USP46: variants seen among roughly 807,000 people sequenced by gnomAD.
The protein encoded by USP46 is ubiquitin carboxyl-terminal hydrolase 46.
USP46 carries 12 observed loss-of-function variants against 44.4 expected under a neutral mutation model. That is an observed-to-expected ratio of 0.27 (90% CI 0.17 to 0.44). The LOEUF is 0.44. Among genes scored for constraint, USP46 ranks in the 20% least tolerant of loss-of-function variants. The pLI, the probability that USP46 is intolerant of heterozygous loss-of-function variation, is 1.00. For missense variants in USP46, 248 were observed against 444.8 expected (o/e 0.56, Z 3.98); for synonymous variants, 155 against 161.5 (o/e 0.96, Z 0.31).
Position 52,595,689 on chromosome 4 carries a change from A to G in USP46, c.*1951T>C, listed in dbSNP as rs1716203687. 6.6e-6 allele frequency: 1 copy of G among 152,242 alleles called. No individual in the cohort carries two copies. The highest frequency in any genetic ancestry group is 3.2e-3 in the Middle Eastern group (1 of 316). The allele number at this position is 152,242 out of a possible 1,614,324, so 9.4% of individuals were successfully genotyped here. Reference sequence around the variant, plus strand: ...TTTTTTCTAATAAATTAGCTTCAAGAGGTGTTTCAAAGATAATTTTAATAA... The same window carrying G: ...TTTTTTCTAATAAATTAGCTTCAAGGGGTGTTTCAAAGATAATTTTAATAA... On this transcript the variant is annotated 3_prime_UTR_variant, in exon 9 of 9. Transcript: ENST00000441222.
chr4:52,633,698 T>C (rs1421666671), intron 1 of USP46, among the ~76,000 whole-genome samples: 3 of 152,232 alleles, frequency 2.0e-5, no homozygotes, highest in Non-Finnish European at 4.4e-5. Context: ...ATTCAAGTTA[T>C]GGAAATTCTT....
Position 52,628,057 on chromosome 4 carries a change from T to C in USP46, c.224A>G (p.Asn75Ser). The C allele has an allele frequency of 6.2e-7, 1 of 1,613,970 alleles. No individual in the cohort carries two copies. Among genetic ancestry groups the C allele is most frequent in the South Asian group, 1.1e-5 (1 of 91,074 alleles). ...AYKAQQKKKE[N>S]LLTCLADLFH... ...AAGGTCCGCCAGGCACGTCAGCAAG[T>C]TTTCCTTCTTCTTTTGCTGGGCCTT... The change falls in exon 3 of 9, where the codon AAC becomes AGC. Residue 75 changes from asparagine to serine, a missense_variant. This residue lies in a region of USP46 where 54 missense variants were observed against 135.0 expected (regional missense o/e 0.40). Transcript: ENST00000441222.
At chr4:52,616,418 G>A (rs1328399084) in intron 4 of USP46, among the ~76,000 whole-genome samples, 1 of 151,716 alleles carries the variant, frequency 6.6e-6, no homozygotes, top group Non-Finnish European at 1.5e-5. Flanking sequence ...TGTCACTCAG[G>A]CTGGAGTGCA....
At chr4:52,601,756 T>G in intron 7 of USP46, 101 bp downstream of exon 7, 1 of 1,278,320 alleles carries the variant, frequency 7.8e-7, no homozygotes, top group Non-Finnish European at 1.0e-6. Context: ...ATCCCAAAAC[T>G]ATTGAGTGCC....
chr4:52,651,091 C>CAAAAAAAAAAA (rs60601189), intron 1 of USP46: 1 of 59,328 alleles, frequency 1.7e-5, no homozygotes, highest in African/African-American at 5.9e-5. Context: ...GACTCCATCT[C>CAAAAAAAAAAA]AAAAAAAAAA....
intron 1 of USP46, among the ~76,000 whole-genome samples, chr4:52,646,467 G>A (rs1175360695): frequency 6.6e-6 from 1 of 152,120 alleles, no homozygotes; most frequent in African/African-American, 2.4e-5. Flanking sequence ...TTACAGCAAT[G>A]TTATTTACTC....
intron 5 of USP46, among the ~76,000 whole-genome samples, chr4:52,606,689 G>C (rs997412729): frequency 1.8e-4 from 28 of 152,250 alleles, no homozygotes; most frequent in African/African-American, 6.3e-4. Context: ...CACATAGCCT[G>C]GACTATGCTA....
At chr4:52,643,821 TC>T (rs2109657922) in intron 1 of USP46, among the ~76,000 whole-genome samples, 1 of 152,312 alleles carries the variant, frequency 6.6e-6, no homozygotes, top group South Asian at 2.1e-4. Flanking sequence ...CTGCCCAAGC[TC>T]ACTCAGCCAA....
chr4:52,610,845 T>G (rs1403530082), intron 4 of USP46, among the ~76,000 whole-genome samples: 4 of 152,194 alleles, frequency 2.6e-5, no homozygotes, highest in African/African-American at 9.6e-5. Context: ...ACTCACAGCT[T>G]TTAATAGTTA....
At chr4:52,629,734 C>G in intron 2 of USP46, 1 of 456,236 alleles carries the variant, frequency 2.2e-6, no homozygotes, top group South Asian at 1.5e-5. Context: ...CAGTATGTCT[C>G]AGCTTCATGT....
chr4:52,645,444 G>A (rs1215091322), intron 1 of USP46, among the ~76,000 whole-genome samples: 5 of 152,116 alleles, frequency 3.3e-5, no homozygotes, highest in African/African-American at 1.2e-4. Flanking sequence ...AAGTCCTCAT[G>A]CAAAACTAAA....
intron 4 of USP46, among the ~76,000 whole-genome samples, chr4:52,614,415 G>C (rs950446879): frequency 6.6e-6 from 1 of 152,156 alleles, no homozygotes; most frequent in Non-Finnish European, 1.5e-5. Context: ...AAGCAAATCT[G>C]AAACATCTAC....
intron 1 of USP46, among the ~76,000 whole-genome samples, chr4:52,635,678 C>T (rs979085365): frequency 2.6e-5 from 4 of 152,186 alleles, no homozygotes; most frequent in Admixed American, 6.5e-5. Flanking sequence ...AGATCCTTCC[C>T]GTCAGCATTT....
chr4:52,632,543 G>A (rs1004176391), intron 1 of USP46, among the ~76,000 whole-genome samples: 21 of 152,040 alleles, frequency 1.4e-4, no homozygotes, highest in Admixed American at 3.3e-4. Context: ...AGTTTTGGCC[G>A]GACATGGTGG....
chr4:52,632,985 A>G (rs75402810), intron 1 of USP46, among the ~76,000 whole-genome samples: 16 of 53,312 alleles, frequency 3.0e-4, no homozygotes, highest in African/African-American at 1.2e-3. Flanking sequence ...AGAAAGAAAG[A>G]AAAGAAAAGA....
At chr4:52,632,693 G>A (rs1717879450) in intron 1 of USP46, among the ~76,000 whole-genome samples, 2 of 151,456 alleles carry the variant, frequency 1.3e-5, no homozygotes, top group Non-Finnish European at 2.9e-5. Context: ...GCACAAACCT[G>A]TAGTGCCAGC....
chr4:52,642,974 A>G (rs547800336), intron 1 of USP46, among the ~76,000 whole-genome samples: 14 of 152,346 alleles, frequency 9.2e-5, no homozygotes, highest in Non-Finnish European at 2.1e-4. Flanking sequence ...ATGTGTTAAT[A>G]TATTAATGTA....
chr4:52,610,472 T>C, intron 5 of USP46, 69 bp downstream of exon 5: 14 of 1,349,448 alleles, frequency 1.0e-5, no homozygotes, highest in Non-Finnish European at 1.4e-5. Context: ...CCTGAAGAAA[T>C]ACAGGATTTT....
chr4:52,658,184 ACAGCAATGCC>A lies in USP46; in HGVS notation c.36+921_36+930del, dbSNP rs60268144. ...CACACATCATCTCACCCTGCAAGGG[ACAGCAATGCC>A]TTACTCCAATCTGAGCTCCCCAAAG... On this transcript the variant is annotated intron_variant, in intron 1 of 8. Coordinates refer to ENST00000441222, the MANE Select transcript of USP46 (RefSeq NM_022832.4). 9.5e-4 allele frequency: 433 copies of A among 455,350 alleles called. 2 individuals are homozygous for A. Among genetic ancestry groups the A allele is most frequent in the African/African-American group, 7.7e-3 (386 of 50,150 alleles). The allele number at this position is 455,350 out of a possible 1,614,324, so 28.2% of individuals were successfully genotyped here.
Sources: allele counts gnomAD v4.1 joint callset (sites outside exome capture counted in the v4.1 genomes callset), GRCh38; gene constraint gnomAD v4.1.1; regional missense constraint gnomAD v4.1.1; transcripts MANE v1.5; gene names NCBI Gene and HGNC (gene_info 2026-07-23, HGNC 2026-07-21).